Variants in KALRN observed in about 807,000 individuals in gnomAD.
The protein encoded by KALRN is kalirin RhoGEF kinase.
In KALRN, 70 loss-of-function variants were observed where a neutral mutation model predicts 353.7. That is an observed-to-expected ratio of 0.20 (90% CI 0.16 to 0.24). The LOEUF is 0.24. KALRN is among the 10% of genes least tolerant of loss of function. The pLI is 1.00. For synonymous variants in KALRN, 1,391 were observed against 1,434.8 expected (o/e 0.97, Z 0.69); for missense variants, 2,791 against 3,756.7 (o/e 0.74, Z 6.72).
chr3:124,506,960 T>C (rs1484112438), intron 33 of KALRN, among the ~76,000 whole-genome samples: 1 of 152,258 alleles, frequency 6.6e-6, no homozygotes, highest in African/African-American at 2.4e-5. Context: ...GGCACTATTG[T>C]AGACACAGAG....
intron 6 of KALRN, among the ~76,000 whole-genome samples, chr3:124,308,264 T>C (rs1256795278): frequency 6.6e-6 from 1 of 151,928 alleles, no homozygotes; most frequent in Non-Finnish European, 1.5e-5. Context: ...ATGGAACAAA[T>C]TAGCAGAAGG....
intron 42 of KALRN, 81 bp downstream of exon 42, chr3:124,658,598 A>C: frequency 9.8e-7 from 1 of 1,015,962 alleles, no homozygotes; most frequent in Non-Finnish European, 1.6e-6. Context: ...ACCAGACGTC[A>C]TCCATCCATA....
Position 124,720,030 on chromosome 3 carries a change from C to T in KALRN, c.*560C>T, listed in dbSNP as rs1308539531. ...CAATCACAAGTAATTTTGAGTGCTC[C>T]AGTTAAGACAGTAATTTATTTACCG... On this transcript the variant is annotated 3_prime_UTR_variant, in exon 60 of 60. Coordinates refer to ENST00000682506, the MANE Select transcript of KALRN (RefSeq NM_001388419.1). The T allele has an allele frequency of 6.6e-6, 1 of 152,474 alleles. No individual in the cohort carries two copies. The highest frequency in any genetic ancestry group is 1.5e-5 in the Non-Finnish European group (1 of 68,080). 9.4% of individuals were successfully genotyped at this position (152,474 alleles called of 1,614,324 possible).
intron 1 of KALRN, among the ~76,000 whole-genome samples, chr3:124,037,547 A>G (rs1353759369): frequency 6.6e-6 from 1 of 152,240 alleles, no homozygotes; most frequent in Non-Finnish European, 1.5e-5. Flanking sequence ...ATGACACATC[A>G]TGAAAAATGT....
chr3:124,696,182 C>T lies in KALRN; in HGVS notation c.7626C>T (p.Asp2542=), dbSNP rs2062041582. The change falls in exon 54 of 60, where the codon GAC becomes GAT. Residue 2542 remains aspartate, a synonymous_variant. Transcript: ENST00000682506. ...AGATCTGTAATCTGATGCCCCAAGACAGTGGGATTTATACCTGCATAGCAA... is the reference window on the plus strand; with the variant it reads ...AGATCTGTAATCTGATGCCCCAAGATAGTGGGATTTATACCTGCATAGCAA... The part of the protein sequence containing the change: ...TLKICNLMPQ[D]SGIYTCIATN... The T allele has an allele frequency of 6.2e-7, 1 of 1,613,796 alleles. No homozygotes were observed. The highest frequency in any genetic ancestry group is 8.5e-7 in the Non-Finnish European group (1 of 1,179,662).
intron 27 of KALRN, among the ~76,000 whole-genome samples, chr3:124,481,556 A>G (rs1397977964): frequency 2.0e-5 from 3 of 152,078 alleles, no homozygotes; most frequent in Middle Eastern, 3.2e-3. Context: ...AAAACTTACC[A>G]TCATATCCTA....
chr3:124,416,682 G>T (rs2092517855), intron 14 of KALRN, among the ~76,000 whole-genome samples: 2 of 152,254 alleles, frequency 1.3e-5, no homozygotes, highest in African/African-American at 2.4e-5. Context: ...AGAGCTGGAG[G>T]GTGGGGATGG....
At chr3:124,324,688 C>A (rs1198404594) in intron 6 of KALRN, among the ~76,000 whole-genome samples, 1 of 152,114 alleles carries the variant, frequency 6.6e-6, no homozygotes, top group African/African-American at 2.4e-5. Context: ...TTAAGAGAGA[C>A]CCTACCAACC....
intron 27 of KALRN, among the ~76,000 whole-genome samples, chr3:124,479,187 C>T (rs1254067310): frequency 1.3e-5 from 2 of 152,178 alleles, no homozygotes; most frequent in Non-Finnish European, 2.9e-5. Context: ...TACCTCGCAT[C>T]CCCATTTCTA....
chr3:124,342,210 T>G (rs1407782278), intron 9 of KALRN, among the ~76,000 whole-genome samples: 1 of 151,706 alleles, frequency 6.6e-6, no homozygotes, highest in African/African-American at 2.4e-5. Flanking sequence ...AGTATAATTT[T>G]GTTATATACG....
intron 1 of KALRN, among the ~76,000 whole-genome samples, chr3:124,053,481 G>A (rs2041234532): frequency 6.6e-6 from 1 of 152,124 alleles, no homozygotes; most frequent in African/African-American, 2.4e-5. Flanking sequence ...GAAGACTGAT[G>A]GTGCTTTCAC....
rs183804434 is a variant in KALRN, at chr3:124,442,454, A to G, written c.3313+395A>G. Among the ~76,000 whole-genome samples the G allele has an allele frequency of 2.0e-4, 31 of 152,316 alleles. No individual in the cohort carries two copies. In the East Asian group the frequency reaches 5.8e-3, roughly 28 times the overall value. On this transcript the variant is annotated intron_variant, in intron 19 of 59. Coordinates refer to ENST00000682506, the MANE Select transcript of KALRN (RefSeq NM_001388419.1). ...ATTTAAATGTAAATTACTGATTTTG[A>G]TTCCTGGTTAATATATTGAACAGCA...
chr3:124,533,143 G>C (rs977334674), intron 33 of KALRN, among the ~76,000 whole-genome samples: 2 of 151,716 alleles, frequency 1.3e-5, no homozygotes, highest in African/African-American at 4.8e-5. Flanking sequence ...AATCCCAACA[G>C]TTTGAGAGGC....
intron 51 of KALRN, among the ~76,000 whole-genome samples, chr3:124,686,884 G>A (rs1040655490): frequency 1.0e-4 from 14 of 133,728 alleles, no homozygotes; most frequent in Non-Finnish European, 1.5e-4. Context: ...GCATGATCTC[G>A]GCTCACTGCA....
At chr3:124,401,115 A>G (rs1468065142) in intron 13 of KALRN, among the ~76,000 whole-genome samples, 1 of 152,208 alleles carries the variant, frequency 6.6e-6, no homozygotes, top group Admixed American at 6.5e-5. Context: ...AAACAATCCA[A>G]AGCATATGGA....
intron 1 of KALRN, among the ~76,000 whole-genome samples, chr3:124,203,581 C>T (rs1042287981): frequency 5.9e-5 from 9 of 152,046 alleles, no homozygotes; most frequent in Admixed American, 3.9e-4. Context: ...TGGCTTTATA[C>T]GTATTGCTTG....
intron 7 of KALRN, among the ~76,000 whole-genome samples, chr3:124,327,553 T>A (rs995714333): frequency 6.6e-6 from 1 of 152,198 alleles, no homozygotes; most frequent in Non-Finnish European, 1.5e-5. Flanking sequence ...CAGTAGGATT[T>A]GTAAATGAAC....
intron 5 of KALRN, among the ~76,000 whole-genome samples, chr3:124,288,394 T>A (rs2076137141): frequency 6.6e-6 from 1 of 151,956 alleles, no homozygotes; most frequent in Non-Finnish European, 1.5e-5. Flanking sequence ...TGGGGGGAAA[T>A]GTGGACACCA....
chr3:124,435,653 C>G (rs1234084360), intron 17 of KALRN, among the ~76,000 whole-genome samples: 1 of 152,128 alleles, frequency 6.6e-6, no homozygotes, highest in Non-Finnish European at 1.5e-5. Context: ...GGCCCTGCAG[C>G]CAGGGTGAGA....
Sources: allele counts gnomAD v4.1 joint callset (sites outside exome capture counted in the v4.1 genomes callset), GRCh38; gene constraint gnomAD v4.1.1; transcripts MANE v1.5; gene names NCBI Gene and HGNC (gene_info 2026-07-23, HGNC 2026-07-21).